The following SUGCT variants were observed in gnomAD, a reference collection of about 807,000 sequenced individuals.
SUGCT encodes the protein succinyl-CoA:glutarate-CoA transferase.
SUGCT carries 41 observed loss-of-function variants against 55.0 expected under a neutral mutation model. The observed-to-expected ratio is 0.74, with a 90% CI of 0.58 to 0.97. SUGCT has a LOEUF of 0.97. Among genes scored for constraint, SUGCT ranks in the 50% least tolerant of loss-of-function variants. The pLI, the probability that SUGCT is intolerant of heterozygous loss-of-function variation, is 0.00. For synonymous variants in SUGCT, 187 were observed against 200.4 expected (o/e 0.93, Z 0.56); for missense variants, 568 against 547.8 (o/e 1.04, Z -0.37).
chr7:40,548,820 C>T (rs1349704225), intron 12 of SUGCT, among the ~76,000 whole-genome samples: 2 of 152,176 alleles, frequency 1.3e-5, no homozygotes, highest in African/African-American at 2.4e-5. Context: ...CCTAAAAACC[C>T]GCTGGCTCTT....
chr7:40,249,344 T>C (rs868019106), intron 7 of SUGCT, among the ~76,000 whole-genome samples: 1 of 128,160 alleles, frequency 7.8e-6, no homozygotes. Context: ...TATATATATA[T>C]ATAATTATAT....
At chr7:40,949,440 G>T in the SUGCT span, among the ~76,000 whole-genome samples, 50,465 of 151,924 alleles carry the variant, frequency 0.33, 9,115 homozygotes, top group Admixed American at 0.45. Flanking sequence ...CTTTTGTTGT[G>T]CAGAAGCTCT....
At chr7:40,316,961 T>TTTTTTTG (rs1554309248) in intron 9 of SUGCT, 106 bp downstream of exon 9, 6 of 526,968 alleles carry the variant, frequency 1.1e-5, no homozygotes, top group Admixed American at 7.6e-5. Flanking sequence ...AGCTGTTTTT[T>TTTTTTTG]TTTTTTTTTT....
At chr7:40,912,328 G>C in the SUGCT span, among the ~76,000 whole-genome samples, 2 of 152,076 alleles carry the variant, frequency 1.3e-5, no homozygotes, top group Admixed American at 1.3e-4. Context: ...AGAGGTTTAT[G>C]GTTGTTGTAT....
intron 6 of SUGCT, among the ~76,000 whole-genome samples, chr7:40,205,657 A>G (rs1182307737): frequency 6.6e-6 from 1 of 151,682 alleles, no homozygotes; most frequent in Non-Finnish European, 1.5e-5. Flanking sequence ...AAAAAAAAAA[A>G]AAAAAGAAAA....
At chr7:40,498,075 A>G (rs768525391) in intron 12 of SUGCT, among the ~76,000 whole-genome samples, 6 of 152,082 alleles carry the variant, frequency 3.9e-5, no homozygotes, top group East Asian at 3.9e-4. Context: ...TGGAACTACA[A>G]AAATTTTTGT....
chr7:40,135,898 C>T (rs898060627), intron 1 of SUGCT, among the ~76,000 whole-genome samples: 11 of 152,160 alleles, frequency 7.2e-5, no homozygotes, highest in East Asian at 1.9e-4. Flanking sequence ...CTCAAGTTAT[C>T]CTCCCGCCTC....
intron 12 of SUGCT, among the ~76,000 whole-genome samples, chr7:40,518,976 T>G (rs1793390874): frequency 6.6e-6 from 1 of 152,102 alleles, no homozygotes; most frequent in African/African-American, 2.4e-5. Context: ...TTATAAAAGT[T>G]TTCCAGTTAA....
chr7:40,822,374 T>A (rs1302128463), intron 13 of SUGCT, among the ~76,000 whole-genome samples: 1 of 152,166 alleles, frequency 6.6e-6, no homozygotes, highest in Non-Finnish European at 1.5e-5. Context: ...TGTTAAAGTC[T>A]CCCATTATTA....
At chr7:40,891,129 A>G in the SUGCT span, among the ~76,000 whole-genome samples, 1 of 152,192 alleles carries the variant, frequency 6.6e-6, no homozygotes, top group Non-Finnish European at 1.5e-5. Context: ...AAAAAAAAGA[A>G]AGGAGTCAAG....
intron 12 of SUGCT, among the ~76,000 whole-genome samples, chr7:40,511,971 C>G (rs761890620): frequency 3.8e-4 from 58 of 152,098 alleles, no homozygotes; most frequent in Non-Finnish European, 1.2e-4. Context: ...CAAATCAAAT[C>G]TATTCTCCAC....
intron 12 of SUGCT, among the ~76,000 whole-genome samples, chr7:40,505,650 G>T (rs1176878701): frequency 6.6e-6 from 1 of 151,884 alleles, no homozygotes; most frequent in East Asian, 1.9e-4. Context: ...TTTTGTATGT[G>T]TGTGCATATA....
At chr7:40,260,692 C>A (rs887782914) in intron 7 of SUGCT, among the ~76,000 whole-genome samples, 2 of 152,166 alleles carry the variant, frequency 1.3e-5, no homozygotes, top group African/African-American at 4.8e-5. Context: ...CACTCTGTTG[C>A]CCAGACTGGA....
the SUGCT span, among the ~76,000 whole-genome samples, chr7:40,961,101 G>A: frequency 6.6e-6 from 1 of 152,206 alleles, no homozygotes; most frequent in Non-Finnish European, 1.5e-5. Flanking sequence ...TAACTCATGT[G>A]ACTCCTCCTC....
At chr7:40,643,035 C>T (rs1323210185) in intron 12 of SUGCT, among the ~76,000 whole-genome samples, 2 of 152,156 alleles carry the variant, frequency 1.3e-5, no homozygotes, top group Non-Finnish European at 2.9e-5. Context: ...CACTTTTCCT[C>T]CAGTTAAACC....
At chr7:40,424,366 G>A (rs1787474300) in intron 9 of SUGCT, among the ~76,000 whole-genome samples, 1 of 152,012 alleles carries the variant, frequency 6.6e-6, no homozygotes, top group South Asian at 2.1e-4. Context: ...AGCAGTAGAA[G>A]AATTTCATGA....
chr7:40,220,491 G>A (rs1787960179), intron 6 of SUGCT, among the ~76,000 whole-genome samples: 2 of 152,182 alleles, frequency 1.3e-5, no homozygotes. Context: ...CAAGCCAAGT[G>A]ATAGTCCCTG....
chr7:40,982,647 C>T, the SUGCT span, among the ~76,000 whole-genome samples: 1 of 151,856 alleles, frequency 6.6e-6, no homozygotes, highest in African/African-American at 2.4e-5. Flanking sequence ...ATAGCAGTAT[C>T]TCTTTTTGAT....
chr7:40,774,781 A>T (rs1181768646), intron 13 of SUGCT, among the ~76,000 whole-genome samples: 1 of 151,730 alleles, frequency 6.6e-6, no homozygotes, highest in Admixed American at 6.6e-5. Flanking sequence ...GGCAAATAAA[A>T]AAAAAAAAAA....
Sources: gnomAD v4.1 joint callset for allele counts (sites outside exome capture counted in the v4.1 genomes callset) on GRCh38, gnomAD v4.1.1 for gene constraint, MANE v1.5 for transcripts, NCBI Gene and HGNC (gene_info 2026-07-23, HGNC 2026-07-21) for gene names.